Variants in ARHGAP26 observed in about 807,000 individuals in gnomAD.
The protein encoded by ARHGAP26 is Rho GTPase activating protein 26.
In ARHGAP26, 38 loss-of-function variants were observed where a neutral mutation model predicts 104.8. That is an observed-to-expected ratio of 0.36 (90% CI 0.28 to 0.48). The LOEUF is 0.48. Ranked by LOEUF, ARHGAP26 falls within the 20% of genes least tolerant of loss-of-function variation. The pLI, the probability that ARHGAP26 is intolerant of heterozygous loss-of-function variation, is 0.99. For missense variants in ARHGAP26, 704 were observed against 947.9 expected (o/e 0.74, Z 3.38); for synonymous variants, 341 against 340.0 (o/e 1.00, Z -0.03).
intron 1 of ARHGAP26, among the ~76,000 whole-genome samples, chr5:142,819,681 TATACTG>T (rs1765752639): frequency 6.6e-6 from 1 of 152,228 alleles, no homozygotes; most frequent in African/African-American, 2.4e-5. Flanking sequence ...CACAATGTTT[TATACTG>T]ATAATTATAT....
intron 1 of ARHGAP26, among the ~76,000 whole-genome samples, chr5:142,861,968 A>G (rs946384950): frequency 2.0e-5 from 3 of 152,208 alleles, no homozygotes; most frequent in African/African-American, 7.2e-5. Context: ...GGAACAGTGC[A>G]GGGGTTTCTG....
In ARHGAP26 at chr5:143,082,686, G is replaced by T. The variant is rs1055179967; in HGVS notation, c.1538+24939G>T. ...ATTTTGTTCTCACTATACTGTAGCCGCACATAAGCGTAATTACAGATCTGA... is the reference window on the plus strand; with the variant it reads ...ATTTTGTTCTCACTATACTGTAGCCTCACATAAGCGTAATTACAGATCTGA... On this transcript the variant is annotated intron_variant, in intron 17 of 22. Coordinates refer to ENST00000645722, the MANE Select transcript of ARHGAP26 (RefSeq NM_001135608.3). Among the ~76,000 whole-genome samples, 10 of 152,162 alleles carry T rather than the reference G, an allele frequency of 6.6e-5. 1 individual carries two copies. Among genetic ancestry groups the T allele is most frequent in the Non-Finnish European group, 1.0e-4 (7 of 68,032 alleles).
intron 4 of ARHGAP26, among the ~76,000 whole-genome samples, chr5:142,883,846 T>C (rs143695106): frequency 9.2e-5 from 14 of 152,392 alleles, no homozygotes; most frequent in African/African-American, 3.1e-4. Flanking sequence ...ATTTGTTTAC[T>C]GGTTAATCAT....
intron 22 of ARHGAP26, among the ~76,000 whole-genome samples, chr5:143,215,386 C>T (rs1562627874): frequency 6.6e-6 from 1 of 152,212 alleles, no homozygotes; most frequent in African/African-American, 2.4e-5. Context: ...TTTAAACTAT[C>T]AAAAGTTATG....
At position 143,152,787 on chromosome 5, in the gene ARHGAP26, G is replaced by A. The variant is rs142492665; in HGVS notation, c.1988+5406G>A. Among the ~76,000 whole-genome samples, 212 of 152,330 alleles carry A rather than the reference G, an allele frequency of 1.4e-3. 1 individual carries two copies. Among genetic ancestry groups the A allele is most frequent in the Admixed American group, 4.2e-3 (65 of 15,308 alleles). Reference sequence around the variant, plus strand: ...AGAAGCCTGTTGTAGCCTCCTTAAAGATGACGGATTACTGGAGAGAGAAGC... The same window carrying A: ...AGAAGCCTGTTGTAGCCTCCTTAAAAATGACGGATTACTGGAGAGAGAAGC... On this transcript the variant is annotated intron_variant, in intron 20 of 22. Coordinates refer to ENST00000645722, the MANE Select transcript of ARHGAP26 (RefSeq NM_001135608.3).
At chr5:143,154,379 C>T (rs995566943) in intron 20 of ARHGAP26, among the ~76,000 whole-genome samples, 1 of 152,144 alleles carries the variant, frequency 6.6e-6, no homozygotes, top group Non-Finnish European at 1.5e-5. Context: ...GTGATCATAA[C>T]CTCCTCAAAT....
chr5:142,910,667 A>G (rs964285818), intron 9 of ARHGAP26, among the ~76,000 whole-genome samples: 4 of 152,222 alleles, frequency 2.6e-5, no homozygotes, highest in Non-Finnish European at 5.9e-5. Flanking sequence ...TGAGCCTGGG[A>G]GGTGGAGGTT....
chr5:142,905,798 A>G (rs143091891), intron 8 of ARHGAP26, among the ~76,000 whole-genome samples: 5,741 of 152,300 alleles, frequency 0.038, 113 homozygotes, highest in Middle Eastern at 0.058. Context: ...TAATGGCTAA[A>G]ATCGCAATTG....
intron 14 of ARHGAP26, among the ~76,000 whole-genome samples, chr5:143,051,840 C>T (rs554914785): frequency 1.3e-5 from 2 of 152,288 alleles, no homozygotes; most frequent in East Asian, 3.9e-4. Context: ...GACTTGCCAA[C>T]TGCTGCTTGT....
chr5:142,875,203 A>G, intron 3 of ARHGAP26, 32 bp downstream of exon 3: 1 of 1,607,606 alleles, frequency 6.2e-7, no homozygotes, highest in South Asian at 1.1e-5. Context: ...TTGGTCCCAG[A>G]TAGTATATTC....
At chr5:142,983,707 T>A (rs1442842010) in intron 11 of ARHGAP26, among the ~76,000 whole-genome samples, 1 of 152,190 alleles carries the variant, frequency 6.6e-6, no homozygotes, top group African/African-American at 2.4e-5. Context: ...ACTAAAAAGA[T>A]GAAGAGGAAA....
intron 6 of ARHGAP26, among the ~76,000 whole-genome samples, chr5:142,897,286 G>T (rs1759606978): frequency 6.6e-6 from 1 of 152,210 alleles, no homozygotes; most frequent in Non-Finnish European, 1.5e-5. Flanking sequence ...GAAATTTTCA[G>T]TCTCATGTTA....
At chr5:143,198,269 T>G (rs1807172536) in intron 20 of ARHGAP26, among the ~76,000 whole-genome samples, 1 of 152,256 alleles carries the variant, frequency 6.6e-6, no homozygotes, top group Admixed American at 6.5e-5. Context: ...ACTATTCAGA[T>G]CTTTTGAGAT....
intron 1 of ARHGAP26, among the ~76,000 whole-genome samples, chr5:142,817,583 C>A (rs1765384590): frequency 1.3e-5 from 2 of 152,124 alleles, no homozygotes; most frequent in African/African-American, 2.4e-5. Context: ...TCGATTTCAG[C>A]CTGCCATCTT....
At chr5:143,017,517 T>A (rs2152827523) in intron 12 of ARHGAP26, among the ~76,000 whole-genome samples, 1 of 152,394 alleles carries the variant, frequency 6.6e-6, no homozygotes, top group African/African-American at 2.4e-5. Context: ...TCATTCATTC[T>A]TTCGTTTCAT....
intron 11 of ARHGAP26, among the ~76,000 whole-genome samples, chr5:142,932,600 T>C (rs1312918917): frequency 6.6e-6 from 1 of 152,244 alleles, no homozygotes; most frequent in African/African-American, 2.4e-5. Flanking sequence ...CGTCTTATCT[T>C]AGTTCCAAGG....
intron 13 of ARHGAP26, among the ~76,000 whole-genome samples, chr5:143,039,799 A>G (rs1208689989): frequency 1.3e-5 from 2 of 152,176 alleles, no homozygotes; most frequent in African/African-American, 4.8e-5. Flanking sequence ...CTGATGTAAA[A>G]CTACAAAATA....
At chr5:142,932,814 G>A (rs1164303945) in intron 11 of ARHGAP26, among the ~76,000 whole-genome samples, 3 of 152,198 alleles carry the variant, frequency 2.0e-5, no homozygotes, top group Non-Finnish European at 2.9e-5. Context: ...AACTCTTTGC[G>A]TCAGGCTGGA....
intron 17 of ARHGAP26, among the ~76,000 whole-genome samples, chr5:143,074,909 G>T (rs1788770137): frequency 6.6e-6 from 1 of 152,238 alleles, no homozygotes; most frequent in African/African-American, 2.4e-5. Context: ...GGAGCTCACA[G>T]CCTAGAGGGT....
Sources: allele counts gnomAD v4.1 joint callset (sites outside exome capture counted in the v4.1 genomes callset), GRCh38; gene constraint gnomAD v4.1.1; transcripts MANE v1.5; gene names NCBI Gene and HGNC (gene_info 2026-07-23, HGNC 2026-07-21).